PRKG1: variants seen among roughly 807,000 people sequenced by gnomAD.
The protein encoded by PRKG1 is protein kinase cGMP-dependent 1, also known as cGMP-dependent protein kinase 1.
Under a neutral mutation model 88.1 loss-of-function variants are expected in PRKG1, and 35 were observed. The observed-to-expected ratio is 0.40, with a 90% CI of 0.30 to 0.53. The LOEUF is 0.53. Among genes scored for constraint, PRKG1 ranks in the 20% least tolerant of loss-of-function variants. The probability of loss-of-function intolerance (pLI) is 0.59; values close to 1 mark genes in which losing one functional copy is unlikely to be tolerated. For missense variants in PRKG1, 540 were observed against 839.8 expected (o/e 0.64, Z 4.41); for synonymous variants, 303 against 292.5 (o/e 1.04, Z -0.37).
In PRKG1 at chr10:51,748,562, A is replaced by T. The variant is rs1403127470; in HGVS notation, c.593-56023A>T. On this transcript the variant is annotated intron_variant, in intron 3 of 17. Coordinates refer to ENST00000373980, the MANE Select transcript of PRKG1 (RefSeq NM_006258.4). ...TAGGGTATATGAGTGAATCTGAAAG[A>T]TAGCATTTCAATAATTAAAAAAGAG... Among the ~76,000 whole-genome samples, 6 of 152,340 alleles carry T rather than the reference A, an allele frequency of 3.9e-5. 1 individual carries two copies. Among genetic ancestry groups the T allele is most frequent in the Admixed American group, 3.9e-4 (6 of 15,306 alleles).
intron 4 of PRKG1, among the ~76,000 whole-genome samples, chr10:51,843,907 T>C (rs897073729): frequency 1.3e-5 from 2 of 152,120 alleles, no homozygotes; most frequent in African/African-American, 4.8e-5. Flanking sequence ...TTGAGAGAAG[T>C]GACTGAGTCA....
intron 2 of PRKG1, among the ~76,000 whole-genome samples, chr10:51,452,922 A>T (rs1049436204): frequency 4.0e-5 from 6 of 151,854 alleles, no homozygotes; most frequent in African/African-American, 1.4e-4. Flanking sequence ...AACTATTTCT[A>T]CAATTTTTTT....
At chr10:51,668,725 G>GA (rs111745755) in intron 3 of PRKG1, among the ~76,000 whole-genome samples, 66 of 147,900 alleles carry the variant, frequency 4.5e-4, no homozygotes, top group African/African-American at 1.2e-3. Flanking sequence ...TTGTGTTTTA[G>GA]AAAAAAAAAA....
In PRKG1 at chr10:51,919,267, C is replaced by G. The variant is rs1321049100; in HGVS notation, c.762+11697C>G. On this transcript the variant is annotated intron_variant, in intron 5 of 17. Transcript: ENST00000373980. ...AGGCAGTATTTTAGTAATGAGCATT[C>G]CTCAAATCAGTCAATGTTAATGAGG... is the stretch of plus-strand genomic sequence containing the variant. Among the ~76,000 whole-genome samples the G allele has an allele frequency of 2.0e-5, 3 of 152,082 alleles. No individual in the cohort carries two copies. In the East Asian group the frequency reaches 5.8e-4, roughly 29 times the overall value.
chr10:51,347,467 G>A (rs1395257659), intron 2 of PRKG1, among the ~76,000 whole-genome samples: 1 of 152,092 alleles, frequency 6.6e-6, no homozygotes, highest in East Asian at 1.9e-4. Flanking sequence ...TTGATCTTAT[G>A]AATGAATTGC....
intron 2 of PRKG1, among the ~76,000 whole-genome samples, chr10:51,348,821 T>C (rs1040958826): frequency 5.9e-5 from 9 of 152,204 alleles, no homozygotes; most frequent in African/African-American, 2.2e-4. Context: ...TCAGTGTGAC[T>C]GGTATGTCAC....
intron 12 of PRKG1, among the ~76,000 whole-genome samples, chr10:52,274,986 G>C (rs1339120327): frequency 6.6e-6 from 1 of 152,010 alleles, no homozygotes; most frequent in Admixed American, 6.6e-5. Flanking sequence ...ATCTTCTTTT[G>C]AGAATTGTCT....
chr10:51,980,644 G>T (rs1843982727), intron 5 of PRKG1, among the ~76,000 whole-genome samples: 1 of 152,126 alleles, frequency 6.6e-6, no homozygotes, highest in South Asian at 2.1e-4. Flanking sequence ...TTAAGAACTT[G>T]CTTTATAAAT....
At chr10:52,246,464 C>T (rs1034498548) in intron 9 of PRKG1, among the ~76,000 whole-genome samples, 2 of 152,082 alleles carry the variant, frequency 1.3e-5, no homozygotes, top group African/African-American at 4.8e-5. Context: ...ATACTTGTAA[C>T]TTTACATTTT....
intron 1 of PRKG1, among the ~76,000 whole-genome samples, chr10:51,020,425 A>G (rs775293494): frequency 6.6e-6 from 1 of 152,210 alleles, no homozygotes; most frequent in African/African-American, 2.4e-5. Context: ...GCATCATACT[A>G]TTTGCCAGAT....
intron 4 of PRKG1, among the ~76,000 whole-genome samples, chr10:51,834,826 C>A (rs1438187053): frequency 6.6e-6 from 1 of 151,926 alleles, no homozygotes; most frequent in Admixed American, 6.6e-5. Context: ...GGGGGTACGT[C>A]CACACCCAAG....
chr10:51,374,843 G>A (rs773486202), intron 2 of PRKG1, among the ~76,000 whole-genome samples: 2 of 152,172 alleles, frequency 1.3e-5, no homozygotes, highest in South Asian at 4.1e-4. Context: ...GTGAGTGTTG[G>A]CAGGATTCAG....
chr10:51,031,397 G>A (rs73322636), intron 1 of PRKG1, among the ~76,000 whole-genome samples: 4,267 of 152,190 alleles, frequency 0.028, 77 homozygotes, highest in African/African-American at 0.042. Context: ...ATAGACCAAA[G>A]AATCTAGCAG....
chr10:51,279,760 T>C (rs1246207041), intron 2 of PRKG1, among the ~76,000 whole-genome samples: 1 of 152,228 alleles, frequency 6.6e-6, no homozygotes, highest in East Asian at 1.9e-4. Context: ...TTTGAGCCTA[T>C]GTGTGTCTCT....
chr10:52,278,949 G>A (rs1841938554), intron 12 of PRKG1, among the ~76,000 whole-genome samples: 1 of 150,170 alleles, frequency 6.7e-6, no homozygotes. Context: ...AATAAAATAA[G>A]ACCATTCCCT....
rs1242347403 is a variant in PRKG1, at chr10:51,050,389, T to C, written c.266+58745T>C. On this transcript the variant is annotated intron_variant, in intron 1 of 17. Transcript: ENST00000401604. ...CCTCTACACATCTGACTATTTTAGA[T>C]TCCTTATAAAAGTGGGATCACATAG... 1.3e-5 allele frequency among the ~76,000 whole-genome samples: 2 copies of C among 152,120 alleles called. 1 individual carries two copies. Among genetic ancestry groups the C allele is most frequent in the East Asian group, 3.8e-4 (2 of 5,198 alleles).
At chr10:52,223,316 G>C (rs1208708257) in intron 9 of PRKG1, among the ~76,000 whole-genome samples, 5 of 147,158 alleles carry the variant, frequency 3.4e-5, no homozygotes, top group Non-Finnish European at 6.1e-5. Flanking sequence ...TTCAAGTTTT[G>C]ATTATCACGT....
chr10:51,212,762 G>A (rs1297392447), intron 2 of PRKG1, among the ~76,000 whole-genome samples: 1 of 152,126 alleles, frequency 6.6e-6, no homozygotes, highest in Non-Finnish European at 1.5e-5. Context: ...CAAAACCACA[G>A]TGAGATACCA....
chr10:51,824,474 A>G (rs1937690), intron 4 of PRKG1, among the ~76,000 whole-genome samples: 101,548 of 152,022 alleles, frequency 0.67, 34,129 homozygotes, highest in African/African-American at 0.69. Context: ...ATATAGGCAT[A>G]GCATAAGAAT....
Sources: allele counts gnomAD v4.1 joint callset (sites outside exome capture counted in the v4.1 genomes callset), GRCh38; gene constraint gnomAD v4.1.1; transcripts MANE v1.5; gene names NCBI Gene and HGNC (gene_info 2026-07-23, HGNC 2026-07-21).